The following TMIGD3 variants were observed in gnomAD, a reference collection of about 807,000 sequenced individuals.
TMIGD3 encodes the protein AD026 protein (AD026).
TMIGD3 carries 21 observed loss-of-function variants against 28.1 expected under a neutral mutation model. That is an observed-to-expected ratio of 0.75 (90% confidence interval 0.53 to 1.08). The LOEUF is 1.08. TMIGD3 is among the 50% of genes least tolerant of loss of function. The probability of loss-of-function intolerance (pLI) is 0.00; values close to 1 mark genes in which losing one functional copy is unlikely to be tolerated. For missense variants in TMIGD3, 416 were observed against 435.6 expected (o/e 0.96, Z 0.40); for synonymous variants, 151 against 162.1 (o/e 0.93, Z 0.52).
chr1:111,539,317 G>A (rs1396035251), intron 1 of TMIGD3, among the ~76,000 whole-genome samples: 1 of 151,970 alleles, frequency 6.6e-6, no homozygotes, highest in Non-Finnish European at 1.5e-5. Flanking sequence ...TCTTTTCTTT[G>A]AGACGGAGTC....
intron 1 of TMIGD3, among the ~76,000 whole-genome samples, chr1:111,509,281 T>G (rs538662999): frequency 7.9e-5 from 12 of 152,326 alleles, no homozygotes; most frequent in Admixed American, 7.2e-4. Flanking sequence ...TCCCCTCTTG[T>G]GAGCTCAGGT....
chr1:111,535,192 A>G (rs1267345100), intron 1 of TMIGD3, among the ~76,000 whole-genome samples: 2 of 152,270 alleles, frequency 1.3e-5, no homozygotes, highest in East Asian at 3.8e-4. Context: ...GACACTGAGA[A>G]GCACTGAATA....
At chr1:111,546,272 C>G (rs549839393) in intron 1 of TMIGD3, among the ~76,000 whole-genome samples, 95 of 152,170 alleles carry the variant, frequency 6.2e-4, no homozygotes, top group Admixed American at 1.0e-3. Flanking sequence ...TTTTGTTTTA[C>G]CATTTTAACT....
chr1:111,489,913 T>C (rs922482969), intron 2 of TMIGD3, among the ~76,000 whole-genome samples: 13 of 152,164 alleles, frequency 8.5e-5, no homozygotes, highest in African/African-American at 3.1e-4. Context: ...GGAAAGTGTC[T>C]GACCAAGAAG....
chr1:111,489,836 C>T, intron 2 of TMIGD3: 1 of 766,498 alleles, frequency 1.3e-6, no homozygotes, highest in Non-Finnish European at 1.6e-6. Context: ...GCATAGGCAC[C>T]TCTATCATCT....
At chr1:111,557,969 T>C (rs996821769) in intron 1 of TMIGD3, among the ~76,000 whole-genome samples, 4 of 151,884 alleles carry the variant, frequency 2.6e-5, no homozygotes, top group Admixed American at 2.0e-4. Flanking sequence ...GTAACCATTA[T>C]AAGAATAGAA....
At chr1:111,533,127 C>A (rs905097998) in intron 1 of TMIGD3, among the ~76,000 whole-genome samples, 1 of 152,156 alleles carries the variant, frequency 6.6e-6, no homozygotes, top group African/African-American at 2.4e-5. Context: ...GACTGTCCCC[C>A]AAAAGGATAA....
intron 1 of TMIGD3, among the ~76,000 whole-genome samples, chr1:111,531,890 T>C (rs991878506): frequency 3.9e-5 from 6 of 152,206 alleles, no homozygotes; most frequent in Non-Finnish European, 5.9e-5. Context: ...GGAACATAGT[T>C]ATGTTACTTT....
Position 111,503,320 on chromosome 1 carries a change from T to A in TMIGD3, c.35A>T (p.Asn12Ile). The A allele has an allele frequency of 6.2e-7, 1 of 1,613,984 alleles. No individual in the cohort carries two copies. The highest frequency in any genetic ancestry group is 1.1e-5 in the South Asian group (1 of 91,014). The change falls in exon 1 of 6, where the codon AAT (asparagine) becomes ATT (isoleucine). Residue 12 changes from asparagine to isoleucine, a missense_variant. Transcript: ENST00000369716. ...AATTTCCATGGTGATGTAGGTAACA[T>A]TGGCCAATGACAGAGCAGTGCTGTT... The part of the protein sequence containing the change: ...PNNSTALSLA[N>I]VTYITMEIFI...
chr1:111,540,850 C>T (rs1656798222), intron 1 of TMIGD3, among the ~76,000 whole-genome samples: 1 of 152,176 alleles, frequency 6.6e-6, no homozygotes, highest in Admixed American at 6.5e-5. Context: ...CTCTGATTTT[C>T]CTAATGCCCT....
chr1:111,532,804 A>G (rs1473831548), intron 1 of TMIGD3, among the ~76,000 whole-genome samples: 1 of 152,112 alleles, frequency 6.6e-6, no homozygotes, highest in Non-Finnish European at 1.5e-5. Flanking sequence ...GCAATGGCAC[A>G]CTCCTTCTTC....
intron 1 of TMIGD3, among the ~76,000 whole-genome samples, chr1:111,552,504 T>A (rs376398805): frequency 6.6e-6 from 1 of 152,166 alleles, no homozygotes; most frequent in Non-Finnish European, 1.5e-5. Context: ...TATGTTGGAG[T>A]TCATTTTCAG....
intron 1 of TMIGD3, among the ~76,000 whole-genome samples, chr1:111,509,008 T>C (rs148594515): frequency 0.014 from 2,142 of 152,280 alleles, 48 homozygotes; most frequent in African/African-American, 0.048. Flanking sequence ...GGCAGGAGAA[T>C]TGCTTGAACC....
intron 1 of TMIGD3, among the ~76,000 whole-genome samples, chr1:111,515,915 A>G (rs1470267225): frequency 6.6e-6 from 1 of 152,202 alleles, no homozygotes; most frequent in African/African-American, 2.4e-5. Flanking sequence ...GCCCCAGCCC[A>G]GACTGGAGGA....
At chr1:111,557,220 A>G (rs1657530608) in intron 1 of TMIGD3, among the ~76,000 whole-genome samples, 1 of 152,356 alleles carries the variant, frequency 6.6e-6, no homozygotes, top group Non-Finnish European at 1.5e-5. Flanking sequence ...ACTGAAATGA[A>G]AAATAAGTTT....
intron 1 of TMIGD3, among the ~76,000 whole-genome samples, chr1:111,494,547 G>A (rs887607967): frequency 2.6e-5 from 4 of 152,072 alleles, no homozygotes; most frequent in Admixed American, 2.6e-4. Flanking sequence ...AAACACAGAA[G>A]AACATTCCAT....
intron 2 of TMIGD3, 101 bp downstream of exon 2, chr1:111,490,555 G>C (rs370769069): frequency 3.6e-6 from 3 of 822,006 alleles, no homozygotes; most frequent in Admixed American, 2.2e-5. Context: ...TAGATGGTTC[G>C]AGTTAATAAG....
chr1:111,550,175 C>T (rs1372396829), intron 1 of TMIGD3, among the ~76,000 whole-genome samples: 1 of 152,090 alleles, frequency 6.6e-6, no homozygotes, highest in African/African-American at 2.4e-5. Context: ...TAGTAAGGTG[C>T]CTGCTCTCAT....
chr1:111,484,275 T>C (rs904438817), intron 5 of TMIGD3, among the ~76,000 whole-genome samples: 1 of 152,222 alleles, frequency 6.6e-6, no homozygotes, highest in African/African-American at 2.4e-5. Flanking sequence ...GGCATTTCTT[T>C]TGCCCATCTT....
Sources: gnomAD v4.1 joint callset for allele counts (sites outside exome capture counted in the v4.1 genomes callset) on GRCh38, gnomAD v4.1.1 for gene constraint, MANE v1.5 for transcripts, NCBI Gene and HGNC (gene_info 2026-07-23, HGNC 2026-07-21) for gene names.